The following PLCZ1 variants were observed in gnomAD, a reference collection of about 807,000 sequenced individuals.
PLCZ1 encodes the protein 1-phosphatidylinositol 4,5-bisphosphate phosphodiesterase zeta-1.
PLCZ1 carries 64 observed loss-of-function variants against 76.8 expected under a neutral mutation model. The ratio of observed to expected loss-of-function variants is 0.83; its 90% confidence interval spans 0.68 to 1.03. The LOEUF (loss-of-function observed/expected upper bound fraction) is 1.03, where lower values mean the gene tolerates loss of function less well. Among genes scored for constraint, PLCZ1 ranks in the 50% least tolerant of loss-of-function variants. The pLI is 0.00. For synonymous variants in PLCZ1, 248 were observed against 230.8 expected (o/e 1.07, Z -0.68); for missense variants, 751 against 713.7 (o/e 1.05, Z -0.60).
the PLCZ1 span, among the ~76,000 whole-genome samples, chr12:18,646,167 T>C: frequency 6.6e-6 from 1 of 152,192 alleles, no homozygotes; most frequent in African/African-American, 2.4e-5. Context: ...GAAAACTCAA[T>C]AGATGAAATG....
chr12:18,701,631 TCCTCCTCC>T, intron 8 of PLCZ1, 53 bp downstream of exon 8: 1 of 1,585,272 alleles, frequency 6.3e-7, no homozygotes. Flanking sequence ...CTCCTCCTCC[TCCTCCTCC>T]TCCTCCTCCT....
rs1463931786 is a variant in PLCZ1 at position 18,734,100 on chromosome 12, G to C, written c.135+2121C>G. Among the ~76,000 whole-genome samples the C allele has an allele frequency of 2.6e-5, 4 of 152,188 alleles. No homozygotes were observed. The East Asian group carries it at 7.7e-4, about 29-fold the overall frequency. Reference sequence around the variant, plus strand: ...ATATATTAACATGGGATGTGTTTCTGTTTATTTGTAACTTTTAAAGTTTAT... The same window carrying C: ...ATATATTAACATGGGATGTGTTTCTCTTTATTTGTAACTTTTAAAGTTTAT... On this transcript the variant is annotated intron_variant, in intron 3 of 14. Coordinates refer to ENST00000266505, the MANE Select transcript of PLCZ1 (RefSeq NM_033123.4).
At chr12:18,664,098 C>G in the PLCZ1 span, among the ~76,000 whole-genome samples, 1 of 152,100 alleles carries the variant, frequency 6.6e-6, no homozygotes, top group Non-Finnish European at 1.5e-5. Flanking sequence ...ACCAGACAAA[C>G]AAACAAAGAC....
At chr12:18,699,996 G>A in intron 9 of PLCZ1, 46 bp from the exon 10 acceptor site, 1 of 1,548,524 alleles carries the variant, frequency 6.5e-7, no homozygotes, top group Non-Finnish European at 8.8e-7. Context: ...CTAATCATTG[G>A]GAAAAAAAAT....
chr12:18,715,234 C>A (rs1957836933), intron 5 of PLCZ1, among the ~76,000 whole-genome samples: 1 of 124,962 alleles, frequency 8.0e-6, no homozygotes, highest in Admixed American at 9.9e-5. Flanking sequence ...ACCTTATATA[C>A]CCTTGGGAAT....
At chr12:18,694,233 G>A in intron 12 of PLCZ1, 1 of 606,880 alleles carries the variant, frequency 1.6e-6, no homozygotes, top group Non-Finnish European at 3.0e-6. Flanking sequence ...GTCTTTTGGA[G>A]TACGATGTGT....
At chr12:18,680,114 T>G (rs1222257166), downstream of PLCZ1, among the ~76,000 whole-genome samples, 1 of 152,036 alleles carries the variant, frequency 6.6e-6, no homozygotes, top group African/African-American at 2.4e-5. Flanking sequence ...ACAGATGTTT[T>G]TGCAGTACTG....
At chr12:18,694,357 A>G (rs1954619345) in intron 12 of PLCZ1, among the ~76,000 whole-genome samples, 1 of 152,186 alleles carries the variant, frequency 6.6e-6, no homozygotes, top group Admixed American at 6.5e-5. Flanking sequence ...TGCAGAGGAA[A>G]AGGGAATATG....
At chr12:18,672,693 A>G in the PLCZ1 span, among the ~76,000 whole-genome samples, 1 of 152,322 alleles carries the variant, frequency 6.6e-6, no homozygotes, top group African/African-American at 2.4e-5. Flanking sequence ...ATTAAGGAAC[A>G]TGACCATCCC....
At chr12:18,669,291 A>G in the PLCZ1 span, among the ~76,000 whole-genome samples, 1 of 152,174 alleles carries the variant, frequency 6.6e-6, no homozygotes, top group Admixed American at 6.5e-5. Flanking sequence ...ACTGCACTAT[A>G]TTCTCTTTCC....
chr12:18,699,924 G>A lies in PLCZ1; in HGVS notation c.1044C>T (p.Ala348=), dbSNP rs2137240563. ...KKTRKLKIAL[A]LSDLVIYTKA... The stretch of plus-strand genomic sequence containing the variant: ...TCGTATAAATGACAAGATCAGATAA[G>A]GCCAGAGCAATTTTTAGCTTCCTGG... The change falls in exon 10 of 15, where the codon GCC becomes GCT. Residue 348 remains alanine, a synonymous_variant. Coordinates refer to ENST00000266505, the MANE Select transcript of PLCZ1 (RefSeq NM_033123.4). 1 of 1,611,402 alleles carries A rather than the reference G, an allele frequency of 6.2e-7. No homozygotes were observed. The highest frequency in any genetic ancestry group is 8.5e-7 in the Non-Finnish European group (1 of 1,179,062).
intron 3 of PLCZ1, among the ~76,000 whole-genome samples, chr12:18,728,074 G>A (rs112384609): frequency 1.3e-5 from 2 of 152,240 alleles, no homozygotes; most frequent in African/African-American, 4.8e-5. Flanking sequence ...AGGGAAAGAC[G>A]AGTTTCACTT....
chr12:18,664,769 A>G, the PLCZ1 span, among the ~76,000 whole-genome samples: 2 of 151,648 alleles, frequency 1.3e-5, no homozygotes, highest in African/African-American at 2.4e-5. Context: ...AATGTCCAAC[A>G]ATGATAGACT....
chr12:18,730,502 GTTATT>G (rs1269175285), intron 3 of PLCZ1, among the ~76,000 whole-genome samples: 1 of 151,966 alleles, frequency 6.6e-6, no homozygotes, highest in African/African-American at 2.4e-5. Flanking sequence ...AGTACTTACA[GTTATT>G]TTAGGGAGGT....
intron 5 of PLCZ1, among the ~76,000 whole-genome samples, chr12:18,719,171 G>A (rs1565727178): frequency 1.3e-5 from 2 of 152,032 alleles, no homozygotes; most frequent in Non-Finnish European, 2.9e-5. Context: ...AACTTCGGAG[G>A]GGCCATAACC....
At chr12:18,718,522 G>C (rs768475542) in intron 5 of PLCZ1, among the ~76,000 whole-genome samples, 2 of 151,872 alleles carry the variant, frequency 1.3e-5, no homozygotes, top group Non-Finnish European at 2.9e-5. Flanking sequence ...CTTGTCTCTA[G>C]CCACATTTGC....
At chr12:18,712,713 A>T in intron 6 of PLCZ1, 129 bp downstream of exon 6, 1 of 1,127,150 alleles carries the variant, frequency 8.9e-7, no homozygotes, top group Non-Finnish European at 1.3e-6. Flanking sequence ...TTCACTGCCT[A>T]CTAATGGATC....
At chr12:18,696,332 A>AATTC (rs1955011478) in intron 10 of PLCZ1, 66 bp from the exon 11 acceptor site, 2 of 177,924 alleles carry the variant, frequency 1.1e-5, no homozygotes, top group Non-Finnish European at 2.1e-5. Context: ...CTATATATAT[A>AATTC]TATATATATA....
the PLCZ1 span, among the ~76,000 whole-genome samples, chr12:18,662,910 A>G: frequency 6.6e-6 from 1 of 152,126 alleles, no homozygotes; most frequent in Non-Finnish European, 1.5e-5. Context: ...CATCAACTAA[A>G]CACAAAAAGA....
Sources: allele counts gnomAD v4.1 joint callset (sites outside exome capture counted in the v4.1 genomes callset), GRCh38; gene constraint gnomAD v4.1.1; transcripts MANE v1.5; gene names NCBI Gene and HGNC (gene_info 2026-07-23, HGNC 2026-07-21).